Variants in FBXW11 observed in about 807,000 individuals in gnomAD.
FBXW11 encodes F-box/WD repeat-containing protein 11.
A neutral mutation model predicts 77.6 loss-of-function variants in FBXW11; 19 were observed. The ratio of observed to expected loss-of-function variants is 0.24; its 90% CI spans 0.17 to 0.36. The LOEUF (loss-of-function observed/expected upper bound fraction) is 0.36. Ranked by LOEUF, FBXW11 falls within the 10% of genes least tolerant of loss-of-function variation. FBXW11 has a pLI of 1.00. For missense variants in FBXW11, 334 were observed against 704.2 expected, an observed-to-expected ratio of 0.47 and a Z score of 5.95; for synonymous variants, 235 against 249.4, an observed-to-expected ratio of 0.94 and a Z score of 0.54.
At position 171,910,755 on chromosome 5, in the gene FBXW11, G is replaced by A; in HGVS notation, c.253C>T (p.Pro85Ser). The change falls in exon 4 of 14, where the codon CCA becomes TCA. Residue 85 changes from proline (P) to serine (S), a missense_variant. Pro to Ser is a moderately conservative substitution (Grantham distance 74). Transcript: ENST00000517395. ...TCTTTTTGATAGTTTCCTTCTGATGGCCTCTTTCTGGAGACGATCACAGAT... is the reference window on the plus strand; with the variant it reads ...TCTTTTTGATAGTTTCCTTCTGATGACCTCTTTCTGGAGACGATCACAGAT... ...TSSVIVSRKR[P>S]SEGNYQKEKD... 2 of 1,611,334 alleles carry A rather than the reference G, an allele frequency of 1.2e-6. No homozygotes were observed. Among genetic ancestry groups the A allele is most frequent in the Non-Finnish European group, 1.7e-6 (2 of 1,178,784 alleles).
chr5:171,988,914 C>T (rs1019004580), intron 1 of FBXW11, among the ~76,000 whole-genome samples: 4 of 151,898 alleles, frequency 2.6e-5, no homozygotes, highest in Non-Finnish European at 4.4e-5. Flanking sequence ...TGGTGGCTCA[C>T]GCCTGTAATC....
intron 1 of FBXW11, among the ~76,000 whole-genome samples, chr5:171,968,134 G>A (rs953112282): frequency 6.6e-6 from 1 of 152,158 alleles, no homozygotes; most frequent in African/African-American, 2.4e-5. Context: ...CCTAATGAAG[G>A]TGGAGAGCAG....
intron 7 of FBXW11, among the ~76,000 whole-genome samples, chr5:171,881,692 G>A (rs2113801305): frequency 6.6e-6 from 1 of 152,302 alleles, no homozygotes; most frequent in East Asian, 1.9e-4. Flanking sequence ...GAATTCACCA[G>A]TAACTCATCT....
intron 2 of FBXW11, among the ~76,000 whole-genome samples, chr5:171,921,044 T>C (rs1264113634): frequency 1.3e-5 from 2 of 152,206 alleles, no homozygotes; most frequent in African/African-American, 2.4e-5. Context: ...CTGGGTAATT[T>C]AGTACAGCAA....
chr5:171,957,397 C>G (rs1763671431), intron 2 of FBXW11, among the ~76,000 whole-genome samples, 200 bp downstream of exon 2: 1 of 152,118 alleles, frequency 6.6e-6, no homozygotes, highest in Non-Finnish European at 1.5e-5. Context: ...GAGGACAGGG[C>G]CCAGCCAAAG....
At chr5:171,945,958 T>C (rs1762987381) in intron 2 of FBXW11, among the ~76,000 whole-genome samples, 1 of 152,194 alleles carries the variant, frequency 6.6e-6, no homozygotes, top group Non-Finnish European at 1.5e-5. Context: ...ATATGGCCAG[T>C]TGTTTGGTCA....
intron 1 of FBXW11, among the ~76,000 whole-genome samples, chr5:171,991,428 A>G (rs1765734149): frequency 6.6e-6 from 1 of 152,194 alleles, no homozygotes; most frequent in African/African-American, 2.4e-5. Context: ...AACAGTTCAC[A>G]GTTTCTTCAA....
At chr5:171,873,050 A>G in intron 9 of FBXW11, 60 bp from the exon 10 acceptor site, 1 of 1,337,466 alleles carries the variant, frequency 7.5e-7, no homozygotes, top group Non-Finnish European at 1.1e-6. Context: ...CTCACAATAT[A>G]CCTTTCTTAA....
intron 1 of FBXW11, among the ~76,000 whole-genome samples, chr5:171,994,582 C>T (rs1765924254): frequency 6.6e-6 from 1 of 152,016 alleles, no homozygotes. Context: ...GCATTTTAGA[C>T]AAGGGATACT....
intron 2 of FBXW11, among the ~76,000 whole-genome samples, chr5:171,923,909 C>CTTTTTTTTTTTTTTTTTTTTT (rs70982354): frequency 2.0e-5 from 1 of 49,130 alleles, no homozygotes; most frequent in Non-Finnish European, 3.4e-5. Flanking sequence ...GAAACCCCAC[C>CTTTTTTTTTTTTTTTTTTTTT]TTTTTTTTTT....
chr5:171,986,335 G>A (rs1282885302), intron 1 of FBXW11, among the ~76,000 whole-genome samples: 1 of 151,730 alleles, frequency 6.6e-6, no homozygotes, highest in Non-Finnish European at 1.5e-5. Context: ...TTGAACCTGG[G>A]AGGTGGAGGT....
intron 2 of FBXW11, among the ~76,000 whole-genome samples, chr5:171,956,612 T>C (rs1485277063): frequency 6.6e-6 from 1 of 152,190 alleles, no homozygotes; most frequent in Non-Finnish European, 1.5e-5. Flanking sequence ...CATTTAAAAA[T>C]TGTAAACATG....
Position 171,865,699 on chromosome 5 carries a change from T to C in FBXW11, c.*26-1598A>G, listed in dbSNP as rs79445706. ...ACTTTTTCAAATTTCCTAATAACGA[T>C]CTTATATTGTCTTGTAGTAAGAAAA... On this transcript the variant is annotated intron_variant, in intron 13 of 13. Coordinates refer to ENST00000517395, the MANE Select transcript of FBXW11 (RefSeq NM_001378974.1). 2.0e-3 allele frequency among the ~76,000 whole-genome samples: 302 copies of C among 152,334 alleles called. 11 individuals are homozygous for C. The East Asian group carries it at 0.053, about 27-fold the overall frequency.
At chr5:171,874,343 TAA>T (rs1757938358) in intron 9 of FBXW11, among the ~76,000 whole-genome samples, 1 of 152,076 alleles carries the variant, frequency 6.6e-6, no homozygotes, top group African/African-American at 2.4e-5. Context: ...GCAGATATAA[TAA>T]AAGAGACAAA....
At chr5:171,991,293 A>G (rs1339057614) in intron 1 of FBXW11, among the ~76,000 whole-genome samples, 1 of 152,200 alleles carries the variant, frequency 6.6e-6, no homozygotes. Context: ...TCTGAAGTGA[A>G]TATGTAAGGT....
At chr5:171,892,999 A>T (rs1193002032) in intron 6 of FBXW11, among the ~76,000 whole-genome samples, 1 of 152,186 alleles carries the variant, frequency 6.6e-6, no homozygotes, top group Non-Finnish European at 1.5e-5. Context: ...AATTTACTGA[A>T]AGCTACATGC....
chr5:171,946,758 C>A (rs911693828), intron 2 of FBXW11, among the ~76,000 whole-genome samples: 7 of 151,916 alleles, frequency 4.6e-5, no homozygotes, highest in Non-Finnish European at 8.8e-5. Flanking sequence ...TCTATTCCCC[C>A]CTTTTCTCCA....
At chr5:171,888,083 G>GA (rs1204543556) in intron 7 of FBXW11, among the ~76,000 whole-genome samples, 1 of 151,946 alleles carries the variant, frequency 6.6e-6, no homozygotes, top group Non-Finnish European at 1.5e-5. Context: ...AGAGGGGCTG[G>GA]AAAAAAAGAG....
Position 171,904,892 on chromosome 5 carries a change from T to C in FBXW11, c.437-4792A>G, listed in dbSNP as rs139317758. On this transcript the variant is annotated intron_variant, in intron 4 of 13. Transcript: ENST00000517395. This position sits in a 1 kb window ranked among gnomAD's most constrained non-coding sequence, Gnocchi z 4.0. ...GCCAGGAATCTGTATTTTTAAGAAG[T>C]GCCACTAGATAATGCTGAAGTATTA... Among the ~76,000 whole-genome samples the C allele has an allele frequency of 3.9e-5, 6 of 152,214 alleles. No individual in the cohort carries two copies. The East Asian group carries it at 1.2e-3, about 29-fold the overall frequency.
Sources: gnomAD v4.1 joint callset for allele counts (sites outside exome capture counted in the v4.1 genomes callset) on GRCh38, gnomAD v4.1.1 for gene constraint, Gnocchi (gnomAD v3.1) non-coding constraint, MANE v1.5 for transcripts, NCBI Gene and HGNC (gene_info 2026-07-23, HGNC 2026-07-21) for gene names.